HMBOX1: variants seen among roughly 807,000 people sequenced by gnomAD.
The protein encoded by HMBOX1 is homeobox containing 1, also known as homeobox-containing protein 1.
Under a neutral mutation model 54.5 loss-of-function variants are expected in HMBOX1, and 14 were observed. That is an observed-to-expected ratio of 0.26 (90% confidence interval 0.17 to 0.40). The LOEUF (loss-of-function observed/expected upper bound fraction) is 0.40, where lower values mean the gene tolerates loss of function less well. HMBOX1 is among the 10% of genes least tolerant of loss of function. The pLI is 1.00. For synonymous variants in HMBOX1, 160 were observed against 181.0 expected (o/e 0.88, Z 0.93); for missense variants, 332 against 514.4 (o/e 0.65, Z 3.43).
intron 1 of HMBOX1, among the ~76,000 whole-genome samples, chr8:28,949,122 T>TA: frequency 6.6e-6 from 1 of 152,228 alleles, no homozygotes. Context: ...GTCCAGGAGA[T>TA]AGTTTCCTTT....
At chr8:28,971,864 T>G (rs1160584619) in intron 3 of HMBOX1, among the ~76,000 whole-genome samples, 2 of 152,112 alleles carry the variant, frequency 1.3e-5, no homozygotes, top group Non-Finnish European at 2.9e-5. Flanking sequence ...AGCCTGCAGA[T>G]AAATTAGTTA....
chr8:29,018,492 TTTTAAG>T (rs768832641), intron 5 of HMBOX1, among the ~76,000 whole-genome samples: 2 of 152,190 alleles, frequency 1.3e-5, no homozygotes, highest in African/African-American at 4.8e-5. Flanking sequence ...ATTAGGGTTA[TTTTAAG>T]TTTGTCTCCT....
At chr8:28,904,377 T>C (rs1178864466) in intron 1 of HMBOX1, among the ~76,000 whole-genome samples, 1 of 150,802 alleles carries the variant, frequency 6.6e-6, no homozygotes, top group African/African-American at 2.4e-5. Context: ...CCTCCACAGG[T>C]GTGCGCCACC....
At chr8:28,916,729 A>G (rs758589197) in intron 1 of HMBOX1, among the ~76,000 whole-genome samples, 4 of 152,074 alleles carry the variant, frequency 2.6e-5, no homozygotes, top group Non-Finnish European at 5.9e-5. Flanking sequence ...AAGTCTTACA[A>G]TCAGTTAATA....
chr8:29,033,769 G>A lies in HMBOX1; in HGVS notation c.852-11592G>A, dbSNP rs78330754. 4.5e-3 allele frequency among the ~76,000 whole-genome samples: 679 copies of A among 152,230 alleles called. 10 individuals carry two copies. In the East Asian group the frequency reaches 0.055, roughly 12 times the overall value. The stretch of plus-strand genomic sequence containing the variant: ...GTTCCTCATACAATGTTCTGTGGCC[G>A]CAGTTTACAAATAAATGAAGCACAG... On this transcript the variant is annotated intron_variant, in intron 6 of 9. Coordinates refer to ENST00000287701, the MANE Select transcript of HMBOX1 (RefSeq NM_001135726.3).
intron 6 of HMBOX1, among the ~76,000 whole-genome samples, chr8:29,038,948 C>T (rs1440861822): frequency 1.3e-5 from 2 of 152,144 alleles, no homozygotes; most frequent in Non-Finnish European, 2.9e-5. Context: ...ATTTTTGGAA[C>T]ATTGTAAGCT....
chr8:28,960,549 C>G (rs974138900), intron 1 of HMBOX1, among the ~76,000 whole-genome samples: 17 of 150,978 alleles, frequency 1.1e-4, no homozygotes, highest in Non-Finnish European at 1.8e-4. Context: ...TATCAAATTT[C>G]TGTTTTTTAA....
Position 29,051,723 on chromosome 8 carries a change from T to G in HMBOX1, c.*568T>G, listed in dbSNP as rs897655081. Reference sequence around the variant, plus strand: ...CCACACTGTGGCTAGATTATACTTCTTTGGGTGCTGTGCTAAGAATGTCAA... The same window carrying G: ...CCACACTGTGGCTAGATTATACTTCGTTGGGTGCTGTGCTAAGAATGTCAA... On this transcript the variant is annotated 3_prime_UTR_variant, in exon 10 of 10. Coordinates refer to ENST00000287701, the MANE Select transcript of HMBOX1 (RefSeq NM_001135726.3). 4.5e-6 allele frequency: 3 copies of G among 667,266 alleles called. No individual in the cohort carries two copies. Among genetic ancestry groups the G allele is most frequent in the Non-Finnish European group, 8.3e-6 (3 of 360,570 alleles). The allele number at this position is 667,266 out of a possible 1,614,324, so 41.3% of individuals were successfully genotyped here.
intron 3 of HMBOX1, among the ~76,000 whole-genome samples, chr8:28,979,394 C>T (rs1237194343): frequency 1.3e-5 from 2 of 152,112 alleles, no homozygotes; most frequent in Admixed American, 6.5e-5. Context: ...TAATGTATTC[C>T]CATGAACACA....
In HMBOX1 at chr8:28,912,388, T is replaced by C. The variant is rs1469017282; in HGVS notation, c.-58+21710T>C. On this transcript the variant is annotated intron_variant, in intron 1 of 9. Transcript: ENST00000287701. ...TCTTAAAAAGAAAACACAAGCTCCC[T>C]CAACCTCACTTTCCCATCCAGATTC... Among the ~76,000 whole-genome samples, 3 of 152,290 alleles carry C rather than the reference T, an allele frequency of 2.0e-5. No individual in the cohort carries two copies. The East Asian group carries it at 5.8e-4, about 29-fold the overall frequency.
chr8:28,945,671 C>T (rs1822295306), intron 1 of HMBOX1, among the ~76,000 whole-genome samples: 1 of 152,100 alleles, frequency 6.6e-6, no homozygotes, highest in Non-Finnish European at 1.5e-5. Flanking sequence ...CTGTGAATTT[C>T]AGTTTAAAAT....
At chr8:28,972,236 G>A (rs1827553963) in intron 3 of HMBOX1, among the ~76,000 whole-genome samples, 3 of 152,038 alleles carry the variant, frequency 2.0e-5, no homozygotes, top group African/African-American at 2.4e-5. Flanking sequence ...TTTTTGAGAC[G>A]GAGTCTTGCT....
intron 1 of HMBOX1, among the ~76,000 whole-genome samples, chr8:28,910,315 C>T (rs957547446): frequency 6.6e-6 from 1 of 152,178 alleles, no homozygotes; most frequent in African/African-American, 2.4e-5. Context: ...TGTCCACCAG[C>T]TGATGGTTGT....
chr8:28,976,107 A>G (rs1169036373), intron 3 of HMBOX1, among the ~76,000 whole-genome samples: 1 of 152,222 alleles, frequency 6.6e-6, no homozygotes, highest in Admixed American at 6.5e-5. Context: ...ACTAAATGAC[A>G]CATCACTGCT....
intron 1 of HMBOX1, among the ~76,000 whole-genome samples, chr8:28,917,279 CTATT>C (rs1379143952): frequency 6.6e-6 from 1 of 152,070 alleles, no homozygotes; most frequent in Non-Finnish European, 1.5e-5. Flanking sequence ...GATTCTTCAT[CTATT>C]TATTAGACTT....
chr8:28,893,335 G>A (rs916750711), intron 1 of HMBOX1, among the ~76,000 whole-genome samples: 3 of 152,146 alleles, frequency 2.0e-5, no homozygotes, highest in African/African-American at 7.2e-5. Context: ...CAGGGCATGG[G>A]TGCTTGTCCA....
intron 3 of HMBOX1, among the ~76,000 whole-genome samples, chr8:28,973,826 T>TTTTTTTTTTTG (rs1827921728): frequency 4.5e-5 from 3 of 67,396 alleles, no homozygotes; most frequent in African/African-American, 1.6e-4. Flanking sequence ...TTTTTTTTTT[T>TTTTTTTTTTTG]TTTTTTTTGA....
At chr8:28,954,337 A>C (rs1824021124) in intron 1 of HMBOX1, among the ~76,000 whole-genome samples, 1 of 152,038 alleles carries the variant, frequency 6.6e-6, no homozygotes, top group African/African-American at 2.4e-5. Context: ...ATTATTTTTT[A>C]TTATCCAAAT....
chr8:29,023,011 C>G (rs1416201874), intron 6 of HMBOX1, among the ~76,000 whole-genome samples: 2 of 152,012 alleles, frequency 1.3e-5, no homozygotes, highest in Admixed American at 6.6e-5. Context: ...AAGTGGGAAA[C>G]AGCTTAAGAA....
Sources: allele counts gnomAD v4.1 joint callset (sites outside exome capture counted in the v4.1 genomes callset), GRCh38; gene constraint gnomAD v4.1.1; transcripts MANE v1.5; gene names NCBI Gene and HGNC (gene_info 2026-07-23, HGNC 2026-07-21).